Variants in PDE8B observed in about 807,000 individuals in gnomAD.
PDE8B encodes phosphodiesterase 8B.
A neutral mutation model predicts 101.3 loss-of-function variants in PDE8B; 26 were observed. The ratio of observed to expected loss-of-function variants is 0.26; its 90% CI spans 0.19 to 0.36. The LOEUF is 0.36. Among genes scored for constraint, PDE8B ranks in the 10% least tolerant of loss-of-function variants. The pLI is 1.00. For synonymous variants in PDE8B, 424 were observed against 429.3 expected, an observed-to-expected ratio of 0.99 and a Z score of 0.15; for missense variants, 810 against 1,163.1, an observed-to-expected ratio of 0.70 and a Z score of 4.42.
chr5:77,412,153 C>T lies in PDE8B; in HGVS notation c.1630C>T (p.Pro544Ser), dbSNP rs1321703620. 6.2e-7 allele frequency: 1 copy of T among 1,613,348 alleles called. No homozygotes were observed. The highest frequency in any genetic ancestry group is 1.3e-5 in the African/African-American group (1 of 74,908). ...AATGCCAATAACCATCAATGATGTTCCCCCTTGTATCTCTCAATTACTTGA... is the reference window on the plus strand; with the variant it reads ...AATGCCAATAACCATCAATGATGTTTCCCCTTGTATCTCTCAATTACTTGA... Reference protein sequence around the residue: ...LAMPITINDVPPCISQLLDNE... With the variant: ...LAMPITINDVSPCISQLLDNE... Residue 544 changes from proline to serine, a missense_variant, in exon 16 of 22, where the codon CCC becomes TCC. Around this residue, in one of 4 missense-constraint regions of PDE8B, gnomAD observed 325 missense variants for 560.9 expected, o/e 0.58. Coordinates refer to ENST00000264917, the MANE Select transcript of PDE8B (RefSeq NM_003719.5).
At chr5:77,262,922 C>G (rs1213179089) in intron 1 of PDE8B, among the ~76,000 whole-genome samples, 1 of 152,230 alleles carries the variant, frequency 6.6e-6, no homozygotes, top group African/African-American at 2.4e-5. Context: ...TTTCACTTCA[C>G]TTGACCTGTG....
At chr5:77,301,275 A>G (rs1404311409) in intron 1 of PDE8B, among the ~76,000 whole-genome samples, 1 of 152,200 alleles carries the variant, frequency 6.6e-6, no homozygotes, top group Non-Finnish European at 1.5e-5. Flanking sequence ...AAAATTGAGG[A>G]CAGAGGCAGC....
the PDE8B span, among the ~76,000 whole-genome samples, chr5:77,169,953 T>TGTTC: frequency 1.3e-5 from 2 of 152,172 alleles, no homozygotes; most frequent in Non-Finnish European, 2.9e-5. Flanking sequence ...CACGGCTCTA[T>TGTTC]CTCAAGTTCC....
At chr5:77,285,767 CTGTTTATTTTT>C (rs1561470051) in intron 1 of PDE8B, among the ~76,000 whole-genome samples, 1 of 151,840 alleles carries the variant, frequency 6.6e-6, no homozygotes, top group African/African-American at 2.4e-5. Flanking sequence ...CCCTAGGTCT[CTGTTTATTTTT>C]TTCAATCTTT....
intron 1 of PDE8B, among the ~76,000 whole-genome samples, chr5:77,245,475 T>C (rs554056478): frequency 6.6e-6 from 1 of 152,214 alleles, no homozygotes; most frequent in Non-Finnish European, 1.5e-5. Context: ...TTTCTGAGAA[T>C]TGACAGTCTC....
At chr5:77,267,131 T>C (rs1261916171) in intron 1 of PDE8B, among the ~76,000 whole-genome samples, 1 of 152,050 alleles carries the variant, frequency 6.6e-6, no homozygotes, top group African/African-American at 2.4e-5. Context: ...TCCTGGAGGT[T>C]TAGTACCACT....
chr5:77,309,272 A>C (rs1335944350), intron 1 of PDE8B, among the ~76,000 whole-genome samples: 2 of 151,812 alleles, frequency 1.3e-5, no homozygotes, highest in African/African-American at 2.4e-5. Context: ...AGAGAGAGAA[A>C]GAAAGAGAGA....
chr5:77,355,707 G>A (rs1220548784), intron 10 of PDE8B, among the ~76,000 whole-genome samples: 2 of 152,190 alleles, frequency 1.3e-5, no homozygotes, highest in East Asian at 1.9e-4. Context: ...CACCTGTTCT[G>A]TGCTGGCACC....
At chr5:77,420,309 A>G (rs887941126) in intron 19 of PDE8B, among the ~76,000 whole-genome samples, 2 of 151,886 alleles carry the variant, frequency 1.3e-5, no homozygotes, top group Admixed American at 6.6e-5. Flanking sequence ...CCAGTACCTG[A>G]AGACTATCAT....
At chr5:77,169,862 G>T in the PDE8B span, among the ~76,000 whole-genome samples, 1 of 152,186 alleles carries the variant, frequency 6.6e-6, no homozygotes, top group Non-Finnish European at 1.5e-5. Context: ...TGTGAGTGCT[G>T]AAAGTGATTA....
chr5:77,325,494 A>G (rs750161147), intron 2 of PDE8B, 45 bp from the exon 3 acceptor site: 6 of 1,562,610 alleles, frequency 3.8e-6, no homozygotes, highest in South Asian at 2.2e-5. Context: ...AATAGTCTCT[A>G]TGGATGATGA....
chr5:77,377,835 C>T (rs1786456912), intron 10 of PDE8B, among the ~76,000 whole-genome samples: 1 of 152,146 alleles, frequency 6.6e-6, no homozygotes, highest in Non-Finnish European at 1.5e-5. Context: ...ATCTCCTTCC[C>T]CTGACATCGG....
chr5:77,343,035 C>T (rs565421738), intron 6 of PDE8B, among the ~76,000 whole-genome samples: 1 of 152,314 alleles, frequency 6.6e-6, no homozygotes, highest in African/African-American at 2.4e-5. Context: ...AACGTCATTG[C>T]CTCGTGTTAG....
chr5:77,387,093 C>T (rs1357184755), intron 10 of PDE8B, among the ~76,000 whole-genome samples: 2 of 151,450 alleles, frequency 1.3e-5, no homozygotes, highest in Non-Finnish European at 2.9e-5. Flanking sequence ...CCTTGTTAGC[C>T]AGGATGGTCT....
intron 1 of PDE8B, among the ~76,000 whole-genome samples, chr5:77,274,517 C>T (rs13361710): frequency 0.25 from 37,652 of 152,202 alleles, 5,158 homozygotes; most frequent in South Asian, 0.46. Context: ...CCTGGACATG[C>T]AGTGATGGCC....
intron 2 of PDE8B, among the ~76,000 whole-genome samples, chr5:77,319,955 A>G (rs529591489): frequency 1.6e-4 from 24 of 149,668 alleles, no homozygotes; most frequent in South Asian, 8.5e-4. Context: ...TTAATTTTCA[A>G]TGTTTCTAAT....
At chr5:77,391,045 G>A (rs533103731) in intron 10 of PDE8B, among the ~76,000 whole-genome samples, 20 of 152,212 alleles carry the variant, frequency 1.3e-4, no homozygotes, top group African/African-American at 3.6e-4. Context: ...GCTGCCTACC[G>A]GAGAGAATGC....
At chr5:77,149,791 A>G in the PDE8B span, among the ~76,000 whole-genome samples, 2 of 152,202 alleles carry the variant, frequency 1.3e-5, no homozygotes, top group African/African-American at 4.8e-5. Flanking sequence ...AGATTATGCC[A>G]TCTGCAAATA....
At chr5:77,239,546 C>T (rs1755324785) in intron 1 of PDE8B, among the ~76,000 whole-genome samples, 1 of 152,224 alleles carries the variant, frequency 6.6e-6, no homozygotes. Context: ...CCTTTCTTTT[C>T]TCTAATTCTT....
Sources: gnomAD v4.1 joint callset for allele counts (sites outside exome capture counted in the v4.1 genomes callset) on GRCh38, gnomAD v4.1.1 for gene constraint, gnomAD v4.1.1 regional missense constraint, MANE v1.5 for transcripts, NCBI Gene and HGNC (gene_info 2026-07-23, HGNC 2026-07-21) for gene names.